Variants in GRID1 observed in about 807,000 individuals in gnomAD.
GRID1 encodes the protein glutamate receptor ionotropic, delta-1.
In GRID1, 28 loss-of-function variants were observed where a neutral mutation model predicts 98.0. The observed-to-expected ratio is 0.29, with a 90% CI of 0.21 to 0.39. The LOEUF (loss-of-function observed/expected upper bound fraction) is 0.39, where lower values mean the gene tolerates loss of function less well. GRID1 is among the 10% of genes least tolerant of loss of function. The pLI is 1.00. For synonymous variants in GRID1, 553 were observed against 538.5 expected (o/e 1.03, Z -0.37); for missense variants, 1,111 against 1,340.5 (o/e 0.83, Z 2.67).
At chr10:85,769,899 CACAG>C (rs1326835443) in intron 8 of GRID1, among the ~76,000 whole-genome samples, 1 of 152,320 alleles carries the variant, frequency 6.6e-6, no homozygotes, top group Non-Finnish European at 1.5e-5. Flanking sequence ...GGGGGCAGGG[CACAG>C]ACAAACAAAA....
chr10:85,902,208 C>T (rs1264461170), intron 5 of GRID1, among the ~76,000 whole-genome samples: 1 of 152,158 alleles, frequency 6.6e-6, no homozygotes, highest in African/African-American at 2.4e-5. Context: ...CCTATATATA[C>T]TATAGTTTTT....
intron 14 of GRID1, among the ~76,000 whole-genome samples, chr10:85,618,647 G>C (rs1842820412): frequency 6.6e-6 from 1 of 152,166 alleles, no homozygotes; most frequent in Non-Finnish European, 1.5e-5. Context: ...CCACTGAATG[G>C]ACTGGTTGCA....
intron 8 of GRID1, among the ~76,000 whole-genome samples, chr10:85,750,984 T>C (rs74148752): frequency 0.017 from 2,615 of 152,278 alleles, 32 homozygotes; most frequent in Admixed American, 0.025. Flanking sequence ...TGGATAGTAA[T>C]TGAATAGGAA....
At chr10:85,609,645 C>T (rs912037548) in intron 15 of GRID1, among the ~76,000 whole-genome samples, 2 of 152,222 alleles carry the variant, frequency 1.3e-5, no homozygotes, top group African/African-American at 4.8e-5. Flanking sequence ...TTCTCTGTCC[C>T]CTGCTGCCCG....
At chr10:86,264,463 C>A (rs1847071637) in intron 2 of GRID1, among the ~76,000 whole-genome samples, 1 of 152,206 alleles carries the variant, frequency 6.6e-6, no homozygotes, top group Non-Finnish European at 1.5e-5. Flanking sequence ...GTGGGCCCCC[C>A]TTGGAAGCAG....
intron 13 of GRID1, among the ~76,000 whole-genome samples, chr10:85,628,038 T>C (rs958025545): frequency 6.6e-6 from 1 of 151,842 alleles, no homozygotes; most frequent in Non-Finnish European, 1.5e-5. Context: ...TGCATGAGAA[T>C]TGTGTATGTG....
At chr10:85,924,224 C>A (rs1213101222) in intron 4 of GRID1, among the ~76,000 whole-genome samples, 2 of 152,204 alleles carry the variant, frequency 1.3e-5, no homozygotes, top group African/African-American at 4.8e-5. Context: ...CTTTGCTTTG[C>A]ATGGTGCATG....
intron 14 of GRID1, among the ~76,000 whole-genome samples, chr10:85,619,469 T>C (rs1305282481): frequency 6.6e-6 from 1 of 152,254 alleles, no homozygotes; most frequent in Non-Finnish European, 1.5e-5. Context: ...TAATTATTCA[T>C]TTTTCTGGCT....
At chr10:85,681,973 C>A (rs922447273) in intron 12 of GRID1, among the ~76,000 whole-genome samples, 2 of 152,004 alleles carry the variant, frequency 1.3e-5, no homozygotes, top group Non-Finnish European at 2.9e-5. Flanking sequence ...ACTGAGAGAG[C>A]ACCTGTCCCA....
intron 2 of GRID1, among the ~76,000 whole-genome samples, chr10:86,312,093 A>T (rs1046756319): frequency 6.6e-6 from 1 of 152,198 alleles, no homozygotes. Context: ...CTTTCTGCTG[A>T]CAGGGCACTT....
intron 4 of GRID1, among the ~76,000 whole-genome samples, chr10:86,010,411 A>C (rs1486909278): frequency 2.0e-5 from 3 of 152,202 alleles, no homozygotes; most frequent in Non-Finnish European, 4.4e-5. Flanking sequence ...TTTGATTACA[A>C]ATCAAAGCGA....
intron 8 of GRID1, among the ~76,000 whole-genome samples, chr10:85,844,174 A>G (rs1310185908): frequency 6.6e-6 from 1 of 152,100 alleles, no homozygotes; most frequent in Non-Finnish European, 1.5e-5. Flanking sequence ...GCCAATAAAA[A>G]TTATAATACT....
intron 8 of GRID1, among the ~76,000 whole-genome samples, chr10:85,799,335 G>A (rs1286710212): frequency 1.3e-5 from 2 of 151,970 alleles, no homozygotes; most frequent in Non-Finnish European, 2.9e-5. Flanking sequence ...ATCTTTTGTA[G>A]CTCCATACAA....
rs553032232 is a variant in GRID1, at chr10:85,810,224, G to A, written c.1233+44272C>T. ...TACTGGAGTGTGCTCTGCCCTGGGGGCCAGTAGCAACTTTGGGCCTCCAAC... is the reference window on the plus strand; with the variant it reads ...TACTGGAGTGTGCTCTGCCCTGGGGACCAGTAGCAACTTTGGGCCTCCAAC... On this transcript the variant is annotated intron_variant, in intron 8 of 15. Transcript: ENST00000327946. Among the ~76,000 whole-genome samples, 259 of 151,504 alleles carry A rather than the reference G, an allele frequency of 1.7e-3. 1 individual carries two copies. The highest frequency in any genetic ancestry group is 5.6e-3 in the African/African-American group (228 of 41,040).
At chr10:85,842,763 G>A (rs184869535) in intron 8 of GRID1, among the ~76,000 whole-genome samples, 6 of 152,086 alleles carry the variant, frequency 3.9e-5, no homozygotes, top group African/African-American at 1.4e-4. Flanking sequence ...AAGAGCTCCT[G>A]TAAAAGAAAT....
chr10:86,033,863 T>TC (rs1279525922), intron 4 of GRID1, among the ~76,000 whole-genome samples: 2 of 152,202 alleles, frequency 1.3e-5, no homozygotes, highest in African/African-American at 2.4e-5. Flanking sequence ...CTGGCTGCAT[T>TC]CCCCCTGAGT....
intron 4 of GRID1, among the ~76,000 whole-genome samples, chr10:86,118,253 T>C (rs1047380567): frequency 1.5e-4 from 23 of 152,184 alleles, no homozygotes; most frequent in African/African-American, 5.6e-4. Context: ...AACATCGTTA[T>C]GTTCTCACTC....
intron 12 of GRID1, among the ~76,000 whole-genome samples, chr10:85,649,747 T>C (rs1041250048): frequency 6.6e-6 from 1 of 152,174 alleles, no homozygotes; most frequent in Middle Eastern, 3.2e-3. Flanking sequence ...GGCCAGAGGC[T>C]CAGGGAACGT....
intron 1 of GRID1, among the ~76,000 whole-genome samples, chr10:86,364,974 C>A (rs1241941750): frequency 6.6e-6 from 1 of 152,208 alleles, no homozygotes; most frequent in African/African-American, 2.4e-5. Flanking sequence ...GTCCTGCAAC[C>A]TGGACAGCTC....
Sources: gnomAD v4.1 joint callset for allele counts (sites outside exome capture counted in the v4.1 genomes callset) on GRCh38, gnomAD v4.1.1 for gene constraint, MANE v1.5 for transcripts, NCBI Gene and HGNC (gene_info 2026-07-23, HGNC 2026-07-21) for gene names.